Variants in COPA observed in about 807,000 individuals in gnomAD.
The protein encoded by COPA is coatomer subunit alpha.
Under a neutral mutation model 158.7 loss-of-function variants are expected in COPA, and 10 were observed. That is an observed-to-expected ratio of 0.06 (90% confidence interval 0.04 to 0.11). The LOEUF is 0.11. COPA is among the 10% of genes least tolerant of loss of function. COPA has a pLI of 1.00. For synonymous variants in COPA, 462 were observed against 542.8 expected (o/e 0.85, Z 2.07); for missense variants, 1,065 against 1,536.7 (o/e 0.69, Z 5.13).
In COPA at chr1:160,318,468, T is replaced by TAAAA. The variant is rs71090307; in HGVS notation, c.707-4347_707-4344dup. ...GCTTCATTAAAATAAACAATATTTG[T>TAAAA]AAAAAAAAAAAAAAAAAAAAAAACA... On this transcript the variant is annotated intron_variant, in intron 8 of 32. Coordinates refer to ENST00000241704, the MANE Select transcript of COPA (RefSeq NM_004371.4). Among the ~76,000 whole-genome samples the TAAAA allele has an allele frequency of 4.2e-3, 66 of 15,596 alleles. 1 individual carries two copies. Among genetic ancestry groups the TAAAA allele is most frequent in the East Asian group, 6.6e-3 (2 of 304 alleles). The allele number at this position is 15,596 out of a possible 152,430, so 10.2% of individuals were successfully genotyped here. A position where few individuals can be genotyped will look rare whatever the true frequency, so the allele number is the denominator to read the frequency against.
intron 30 of COPA, 109 bp from the exon 31 acceptor site, chr1:160,291,605 G>A (rs775334517): frequency 1.3e-5 from 17 of 1,358,030 alleles, no homozygotes; most frequent in Non-Finnish European, 1.6e-5. Flanking sequence ...AGGATGATGG[G>A]CTATAAAGCT....
chr1:160,324,624 T>C (rs1168016503), intron 7 of COPA, among the ~76,000 whole-genome samples: 2 of 152,090 alleles, frequency 1.3e-5, no homozygotes, highest in Non-Finnish European at 2.9e-5. Context: ...TCTTATTCTT[T>C]CGTAAGTATA....
rs1659398415 is a variant in COPA at position 160,323,509 on chromosome 1, A to G, written c.628T>C (p.Trp210Arg). ...VLEGHDRGVN[W>R]AAFHPTMPLI... Reference sequence around the variant, plus strand: ...GGCATAGTGGGGTGGAAGGCAGCCCAGTTTACTCCACGATCGTGACCCTGT... The same window carrying G: ...GGCATAGTGGGGTGGAAGGCAGCCCGGTTTACTCCACGATCGTGACCCTGT... The change falls in exon 8 of 33, where the codon TGG (tryptophan) becomes CGG (arginine). Residue 210 changes from tryptophan (W) to arginine (R), a missense_variant. Coordinates refer to ENST00000241704, the MANE Select transcript of COPA (RefSeq NM_004371.4). 1 of 1,610,790 alleles carries G rather than the reference A, an allele frequency of 6.2e-7. No homozygotes were observed. The highest frequency in any genetic ancestry group is 8.5e-7 in the Non-Finnish European group (1 of 1,178,190).
chr1:160,313,402 T>G (rs1278155508), intron 9 of COPA, among the ~76,000 whole-genome samples: 1 of 138,714 alleles, frequency 7.2e-6, no homozygotes, highest in Non-Finnish European at 1.5e-5. Flanking sequence ...AGCATAATTT[T>G]ATGGCTTTCA....
At position 160,290,443 on chromosome 1, in the gene COPA, T is replaced by C. The variant is rs2298104; in HGVS notation, c.3615+49A>G. 0.49 allele frequency: 772,262 copies of C among 1,567,586 alleles called. 194,316 individuals carry two copies. The highest frequency in any genetic ancestry group is 0.61 in the South Asian group (52,689 of 86,388). On this transcript the variant is annotated intron_variant, in intron 32 of 32. Coordinates refer to ENST00000241704, the MANE Select transcript of COPA (RefSeq NM_004371.4). ...AAAGGACCACCATGTTTCTTTCTTT[T>C]TCCCCTTCGCTCAATATCCTAGATA...
chr1:160,298,224 G>C (rs1653966715), intron 19 of COPA, among the ~76,000 whole-genome samples: 1 of 151,654 alleles, frequency 6.6e-6, no homozygotes, highest in African/African-American at 2.4e-5. Context: ...TGAACACATA[G>C]GACCCCTTTG....
chr1:160,312,027 C>A lies in COPA; in HGVS notation c.926-9G>T. ...CATACCACCATCATGGCCTGGGGGA[C>A]AGGGAGAGGAGGAGAAAAAATTAAG... is the stretch of plus-strand genomic sequence containing the variant. On this transcript the variant is annotated splice_polypyrimidine_tract_variant and intron_variant, in intron 10 of 32. Coordinates refer to ENST00000241704, the MANE Select transcript of COPA (RefSeq NM_004371.4). 1.2e-6 allele frequency: 2 copies of A among 1,609,856 alleles called. No homozygotes were observed. The highest frequency in any genetic ancestry group is 1.7e-6 in the Non-Finnish European group (2 of 1,177,680).
chr1:160,316,724 T>C (rs1379498402), intron 8 of COPA, among the ~76,000 whole-genome samples: 2 of 149,032 alleles, frequency 1.3e-5, no homozygotes, highest in African/African-American at 5.0e-5. Flanking sequence ...CACTCCAGCC[T>C]GGCCAACAAG....
intron 8 of COPA, among the ~76,000 whole-genome samples, chr1:160,322,101 G>GA (rs950288944): frequency 9.2e-5 from 14 of 151,792 alleles, no homozygotes; most frequent in Non-Finnish European, 1.9e-4. Flanking sequence ...CACAGAAACA[G>GA]AAAAAAAATC....
rs755584598 is a variant in COPA at position 160,292,508 on chromosome 1, A to G, written c.2936T>C (p.Met979Thr). The G allele has an allele frequency of 2.5e-6, 4 of 1,613,698 alleles. No individual in the cohort carries two copies. Among genetic ancestry groups the G allele is most frequent in the Non-Finnish European group, 8.5e-7 (1 of 1,179,912 alleles). The change falls in exon 28 of 33, where the codon ATG (methionine) becomes ACG (threonine). Residue 979 changes from methionine to threonine, a missense_variant. Around this residue, in one of 2 missense-constraint regions of COPA, gnomAD observed 980 missense variants for 1,357.8 expected, o/e 0.72. Coordinates refer to ENST00000241704, the MANE Select transcript of COPA (RefSeq NM_004371.4). Reference protein sequence around the residue: ...TYQALPCLPSMYGYPNRNWKD... With the variant: ...TYQALPCLPSTYGYPNRNWKD... ...CCAGTTGCGATTAGGATAGCCATAC[A>G]TGGAGGGTAGGCAGGGCAGAGCCTG...
Position 160,294,831 on chromosome 1 carries a change from T to C in COPA, c.2503A>G (p.Ile835Val), listed in dbSNP as rs775283020. 13 of 1,614,078 alleles carry C rather than the reference T, an allele frequency of 8.1e-6. No individual in the cohort carries two copies. In the East Asian group the frequency reaches 2.5e-4, roughly 30 times the overall value. Residue 835 changes from isoleucine (I) to valine (V), a missense_variant, in exon 24 of 33, where the codon ATT becomes GTT. By Grantham distance (29) the Ile-to-Val change is conservative. Around this residue, in one of 2 missense-constraint regions of COPA, gnomAD observed 980 missense variants for 1,357.8 expected, o/e 0.72. Coordinates refer to ENST00000241704, the MANE Select transcript of COPA (RefSeq NM_004371.4). Reference protein sequence around the residue: ...KGKGGALAADIDIDTVGTEGW... With the variant: ...KGKGGALAADVDIDTVGTEGW... ...TCTGTACCAACAGTGTCAATGTCAA[T>C]GTCAGCAGCCAGTGCTCCTCCCTTC...
At chr1:160,332,932 A>G (rs543080851) in intron 5 of COPA, among the ~76,000 whole-genome samples, 104 of 151,910 alleles carry the variant, frequency 6.8e-4, no homozygotes, top group Non-Finnish European at 1.2e-3. Flanking sequence ...TTTTATTGTT[A>G]TTATTTTTTT....
At chr1:160,321,505 T>C (rs1659329282) in intron 8 of COPA, among the ~76,000 whole-genome samples, 1 of 152,134 alleles carries the variant, frequency 6.6e-6, no homozygotes, top group African/African-American at 2.4e-5. Flanking sequence ...ATCAGTAGCA[T>C]GACCAGGTGC....
chr1:160,323,435 C>T lies in COPA; in HGVS notation c.702G>A (p.Met234Ile). 3 of 1,606,510 alleles carry T rather than the reference C, an allele frequency of 1.9e-6. No homozygotes were observed. Among genetic ancestry groups the T allele is most frequent in the Non-Finnish European group, 1.7e-6 (2 of 1,175,638 alleles). Residue 234 changes from methionine (M) to isoleucine (I), a missense_variant, in exon 8 of 33, where the codon ATG becomes ATA. Met to Ile is a conservative substitution (Grantham distance 10). Coordinates refer to ENST00000241704, the MANE Select transcript of COPA (RefSeq NM_004371.4). ...ADDRQVKIWR[M>I]NESKAWEVDT... ...TAATGTAACCGGTTCACTCACCATTCATGCGCCAGATCTTCACTTGACGAT... is the reference window on the plus strand; with the variant it reads ...TAATGTAACCGGTTCACTCACCATTTATGCGCCAGATCTTCACTTGACGAT...
intron 10 of COPA, 76 bp from the exon 11 acceptor site, chr1:160,312,094 G>A: frequency 6.8e-7 from 1 of 1,479,116 alleles, no homozygotes; most frequent in Non-Finnish European, 9.3e-7. Context: ...GATACGTAAG[G>A]ATGAAGATTA....
chr1:160,307,106 C>T, intron 14 of COPA, 57 bp downstream of exon 14: 11 of 1,536,516 alleles, frequency 7.2e-6, no homozygotes, highest in Non-Finnish European at 9.9e-6. Context: ...TTTTGCAATA[C>T]ACAGGCCACT....
At chr1:160,335,145 A>C in intron 4 of COPA, 97 bp downstream of exon 4, 1 of 1,116,008 alleles carries the variant, frequency 9.0e-7, no homozygotes, top group East Asian at 2.7e-5. Flanking sequence ...CTCCAAAAAC[A>C]ACTCTATTAT....
intron 3 of COPA, among the ~76,000 whole-genome samples, chr1:160,339,191 C>T (rs1455896646): frequency 1.5e-5 from 2 of 131,994 alleles, no homozygotes; most frequent in African/African-American, 7.3e-5. Context: ...CCAACAGACA[C>T]ACTGATTCAT....
chr1:160,305,599 C>A, intron 16 of COPA, 28 bp from the exon 17 acceptor site: 1 of 1,614,056 alleles, frequency 6.2e-7, no homozygotes, highest in Non-Finnish European at 8.5e-7. Context: ...CATGAGTGTT[C>A]TGTTGGATAG....
Sources: gnomAD v4.1 joint callset for allele counts (sites outside exome capture counted in the v4.1 genomes callset) on GRCh38, gnomAD v4.1.1 for gene constraint, gnomAD v4.1.1 regional missense constraint, MANE v1.5 for transcripts, NCBI Gene and HGNC (gene_info 2026-07-23, HGNC 2026-07-21) for gene names.